Variants in PRDM6 observed in about 807,000 individuals in gnomAD.
PRDM6 encodes the protein putative histone-lysine N-methyltransferase PRDM6.
PRDM6 carries 25 observed loss-of-function variants against 60.8 expected under a neutral mutation model. The observed-to-expected ratio is 0.41, with a 90% CI of 0.30 to 0.57. The LOEUF (loss-of-function observed/expected upper bound fraction) is 0.57. PRDM6 is among the 20% of genes least tolerant of loss of function. The probability of loss-of-function intolerance (pLI) is 0.27; values close to 1 mark genes in which losing one functional copy is unlikely to be tolerated. For missense variants in PRDM6, 839 were observed against 821.3 expected, an observed-to-expected ratio of 1.02 and a Z score of -0.26; for synonymous variants, 407 against 357.4, an observed-to-expected ratio of 1.14 and a Z score of -1.57.
At chr5:123,162,382 C>T (rs408345) in intron 5 of PRDM6, among the ~76,000 whole-genome samples, 11,044 of 152,156 alleles carry the variant, frequency 0.073, 422 homozygotes, top group African/African-American at 0.085. Flanking sequence ...AATGTACTTT[C>T]TGGAAAAAAC....
At chr5:123,123,216 A>T (rs574238727) in intron 3 of PRDM6, among the ~76,000 whole-genome samples, 124 of 152,334 alleles carry the variant, frequency 8.1e-4, no homozygotes, top group African/African-American at 3.0e-3. Context: ...CCATTTGTAT[A>T]TCTTTTCCTC....
intron 3 of PRDM6, among the ~76,000 whole-genome samples, chr5:123,154,543 A>AT (rs765903950): frequency 3.3e-5 from 5 of 152,044 alleles, no homozygotes; most frequent in Non-Finnish European, 7.4e-5. Context: ...GTAAAAAAAA[A>AT]CTCAGCTGTT....
intron 3 of PRDM6, among the ~76,000 whole-genome samples, chr5:123,124,076 T>TA (rs1309848568): frequency 7.9e-5 from 12 of 152,272 alleles, no homozygotes; most frequent in African/African-American, 2.4e-4. Flanking sequence ...AGGCCAACCT[T>TA]AGAGACTGAC....
At position 123,180,243 on chromosome 5, in the gene PRDM6, C is replaced by T. The variant is rs1260379028; in HGVS notation, c.1593C>T (p.Cys531=). The T allele has an allele frequency of 4.5e-6, 7 of 1,551,780 alleles. No individual in the cohort carries two copies. The highest frequency in any genetic ancestry group is 2.0e-5 in the Admixed American group (1 of 50,992). The change falls in exon 7 of 8, where the codon TGC becomes TGT. Residue 531 remains cysteine (C), a synonymous_variant. Transcript: ENST00000407847. ...VTHSSDRPFK[C]GYCGRAFAGA... ...ACTCTAGTGACCGGCCTTTCAAGTG[C>T]GGCTACTGTGGTCGTGCCTTTGCCG...
At chr5:123,162,923 G>C (rs1440954330) in intron 5 of PRDM6, among the ~76,000 whole-genome samples, 1 of 152,186 alleles carries the variant, frequency 6.6e-6, no homozygotes, top group Non-Finnish European at 1.5e-5. Context: ...TGATTTGAAA[G>C]CACAAATGTG....
chr5:123,090,123 G>C lies in PRDM6; in HGVS notation c.109G>C (p.Gly37Arg). 6.5e-7 allele frequency: 1 copy of C among 1,539,750 alleles called. No individual in the cohort carries two copies. ...TCACGGAGGCGCAGGCCCGCTCAAGGGCAGCGGCGCCGCGGGTCTCCTGAG... is the reference window on the plus strand; with the variant it reads ...TCACGGAGGCGCAGGCCCGCTCAAGCGCAGCGGCGCCGCGGGTCTCCTGAG... ...FPHGGAGPLK[G>R]SGAAGLLSAP... is the part of the protein sequence containing the mutation. Residue 37 changes from glycine to arginine, a missense_variant, in exon 2 of 8, where the codon GGC becomes CGC. Physicochemically the swap from Gly to Arg is moderately radical, Grantham distance 125. Transcript: ENST00000407847.
intron 3 of PRDM6, among the ~76,000 whole-genome samples, chr5:123,109,877 A>T (rs192976903): frequency 6.6e-6 from 1 of 152,328 alleles, no homozygotes; most frequent in East Asian, 1.9e-4. Flanking sequence ...AGCCTTTTTG[A>T]CCACAGACCT....
chr5:123,159,781 C>A, intron 5 of PRDM6, 143 bp downstream of exon 5: 2 of 830,106 alleles, frequency 2.4e-6, no homozygotes, highest in South Asian at 1.8e-5. Context: ...CCATCGTTTT[C>A]TTTTCCCTGC....
intron 6 of PRDM6, among the ~76,000 whole-genome samples, chr5:123,179,911 T>A (rs1377917390): frequency 6.6e-6 from 1 of 152,128 alleles, no homozygotes. Context: ...TCCAAAATGG[T>A]ATGATTAGTA....
intron 3 of PRDM6, among the ~76,000 whole-genome samples, chr5:123,123,802 C>T (rs1448548043): frequency 6.6e-6 from 1 of 152,108 alleles, no homozygotes; most frequent in Non-Finnish European, 1.5e-5. Context: ...GCTTTTCTGG[C>T]TGCCTCAGTC....
chr5:123,140,622 A>G (rs1765074776), intron 3 of PRDM6, among the ~76,000 whole-genome samples: 1 of 152,162 alleles, frequency 6.6e-6, no homozygotes, highest in South Asian at 2.1e-4. Flanking sequence ...TGCAAAGATG[A>G]CTTACAGAAA....
intron 3 of PRDM6, among the ~76,000 whole-genome samples, chr5:123,148,457 A>G (rs958138954): frequency 6.6e-6 from 1 of 152,214 alleles, no homozygotes; most frequent in African/African-American, 2.4e-5. Flanking sequence ...GGAGGGAGAA[A>G]CTATTAAAAT....
At chr5:123,123,603 TA>T in intron 3 of PRDM6, among the ~76,000 whole-genome samples, 1 of 152,330 alleles carries the variant, frequency 6.6e-6, no homozygotes, top group Admixed American at 6.5e-5. Flanking sequence ...GCAAAAAAAA[TA>T]TTTTACAATT....
At chr5:123,098,045 C>T (rs1255012642) in intron 2 of PRDM6, among the ~76,000 whole-genome samples, 1 of 152,196 alleles carries the variant, frequency 6.6e-6, no homozygotes, top group African/African-American at 2.4e-5. Context: ...AATGGCAAAT[C>T]GAGGGCTCCC....
At position 123,089,992 on chromosome 5, in the gene PRDM6, G is replaced by A; in HGVS notation, c.-15-8G>A. On this transcript the variant is annotated splice_region_variant and splice_polypyrimidine_tract_variant and intron_variant, in intron 1 of 7. Coordinates refer to ENST00000407847, the MANE Select transcript of PRDM6 (RefSeq NM_001136239.4). ...ACGCGCCCCCTCTTCCCTGCCCTCT[G>A]CCCCCAGTTCGAGGCGCCGGACATG... The A allele has an allele frequency of 6.5e-7, 1 of 1,536,274 alleles. No homozygotes were observed. Among genetic ancestry groups the A allele is most frequent in the Non-Finnish European group, 8.8e-7 (1 of 1,137,966 alleles).
At chr5:123,156,161 C>T in intron 4 of PRDM6, 150 bp downstream of exon 4, 1 of 695,308 alleles carries the variant, frequency 1.4e-6, no homozygotes. Context: ...TTTCTGAAAC[C>T]TCCTTAGTTC....
intron 4 of PRDM6, among the ~76,000 whole-genome samples, chr5:123,157,588 T>C (rs187527732): frequency 6.6e-6 from 1 of 152,310 alleles, no homozygotes; most frequent in Non-Finnish European, 1.5e-5. Flanking sequence ...TTCGATTACT[T>C]CAGATCTTTA....
rs151186515 is a variant in PRDM6 at position 123,121,518 on chromosome 5, G to A, written c.900+21557G>A. Among the ~76,000 whole-genome samples, 12 of 152,254 alleles carry A rather than the reference G, an allele frequency of 7.9e-5. No homozygotes were observed. The East Asian group carries it at 2.3e-3, about 29-fold the overall frequency. ...CCACCTTGGCCTCCCCAAATGTTGGGATTACAGGTGTGAGCCACACACCAA... is the reference window on the plus strand; with the variant it reads ...CCACCTTGGCCTCCCCAAATGTTGGAATTACAGGTGTGAGCCACACACCAA... On this transcript the variant is annotated intron_variant, in intron 3 of 7. Transcript: ENST00000407847.
intron 3 of PRDM6, among the ~76,000 whole-genome samples, chr5:123,154,978 G>A (rs1186718613): frequency 6.6e-6 from 1 of 152,106 alleles, no homozygotes; most frequent in East Asian, 1.9e-4. Context: ...TAGATACCAT[G>A]TCTCCCTAAG....
Sources: gnomAD v4.1 joint callset for allele counts (sites outside exome capture counted in the v4.1 genomes callset) on GRCh38, gnomAD v4.1.1 for gene constraint, MANE v1.5 for transcripts, NCBI Gene and HGNC (gene_info 2026-07-23, HGNC 2026-07-21) for gene names.